Variants in SLC16A4 observed in about 807,000 individuals in gnomAD.
SLC16A4 encodes the protein solute carrier family 16 member 4.
SLC16A4 carries 39 observed loss-of-function variants against 47.9 expected under a neutral mutation model. The ratio of observed to expected loss-of-function variants is 0.81; its 90% confidence interval spans 0.63 to 1.06. SLC16A4 has a LOEUF of 1.06. SLC16A4 is among the 50% of genes least tolerant of loss of function. SLC16A4 has a pLI of 0.00. For missense variants in SLC16A4, 524 were observed against 573.8 expected (o/e 0.91, Z 0.89); for synonymous variants, 189 against 199.9 (o/e 0.95, Z 0.46).
intron 3 of SLC16A4, among the ~76,000 whole-genome samples, chr1:110,382,194 G>A (rs1183329546): frequency 6.6e-6 from 1 of 152,180 alleles, no homozygotes. Flanking sequence ...GCTGGACGCC[G>A]TGGCTCTTTA....
intron 2 of SLC16A4, among the ~76,000 whole-genome samples, chr1:110,386,865 C>T (rs1012385143): frequency 2.6e-5 from 4 of 152,212 alleles, no homozygotes; most frequent in Non-Finnish European, 5.9e-5. Flanking sequence ...CTTTGGCCCC[C>T]ACTGCTCCAC....
Position 110,377,112 on chromosome 1 carries a change from T to C in SLC16A4, c.1080A>G (p.Gln360=). 6.2e-7 allele frequency: 1 copy of C among 1,614,206 alleles called. No individual in the cohort carries two copies. Among genetic ancestry groups the C allele is most frequent in the Non-Finnish European group, 8.5e-7 (1 of 1,180,026 alleles). ...SQIISGWVAD[Q]NWIKKYHYHK... is the part of the protein sequence containing the mutation. ...GGTAATGATACTTCTTAATCCAGTT[T>C]TGATCAGCAACCCATCCAGAAATAA... Residue 360 remains glutamine (Q), a synonymous_variant, in exon 7 of 9, where the codon CAA becomes CAG. Transcript: ENST00000369779.
intron 1 of SLC16A4, 37 bp from the exon 2 acceptor site, chr1:110,389,392 GA>G: frequency 8.3e-7 from 1 of 1,199,324 alleles, no homozygotes; most frequent in Non-Finnish European, 1.2e-6. Flanking sequence ...CAGTGGACCA[GA>G]AACTAATCTA....
Position 110,382,857 on chromosome 1 carries a change from A to T in SLC16A4, c.197T>A (p.Met66Lys), listed in dbSNP as rs150852253. 4.5e-5 allele frequency: 72 copies of T among 1,608,934 alleles called. 1 individual carries two copies. The highest frequency in any genetic ancestry group is 3.3e-4 in the South Asian group (30 of 90,606). The change falls in exon 3 of 9, where the codon ATG becomes AAG. Residue 66 changes from methionine (M) to lysine (K), a missense_variant. Physicochemically the swap from Met to Lys is moderately conservative, Grantham distance 95. Transcript: ENST00000369779. ...SEQIGWIGSI[M>K]SSLRFCAGPL... is the part of the protein sequence containing the mutation. ...ACCTGCACAAAAACGAAGAGATGACATGATGGATCCAATCCAACCAATTTG... is the reference window on the plus strand; with the variant it reads ...ACCTGCACAAAAACGAAGAGATGACTTGATGGATCCAATCCAACCAATTTG...
intron 6 of SLC16A4, among the ~76,000 whole-genome samples, chr1:110,378,511 G>A (rs1570643998): frequency 6.6e-6 from 1 of 152,164 alleles, no homozygotes; most frequent in Non-Finnish European, 1.5e-5. Context: ...TGTCTACCTG[G>A]GGTTTTCTGC....
rs1441079749 is a variant in SLC16A4 at position 110,378,919 on chromosome 1, G to A, written c.964C>T (p.Leu322=). The A allele has an allele frequency of 6.2e-7, 1 of 1,614,052 alleles. No individual in the cohort carries two copies. Among genetic ancestry groups the A allele is most frequent in the Non-Finnish European group, 8.5e-7 (1 of 1,180,036 alleles). ...CCCAGTGTTTTGGCTCTGGCTACCA[G>A]GTGAAAGGTAGGGATGAAGTATGCT... is the stretch of plus-strand genomic sequence containing the variant. ...QLAYFIPTFH[L]VARAKTLGID... Residue 322 remains leucine, a synonymous_variant, in exon 6 of 9, where the codon CTG becomes TTG. Transcript: ENST00000369779.
At position 110,381,640 on chromosome 1, in the gene SLC16A4, C is replaced by T; in HGVS notation, c.364+12G>A. The stretch of plus-strand genomic sequence containing the variant: ...CTGGCCTTCTATGGTCACATAATTA[C>T]AATGGACTCACCGGGTAGAAGTCCC... On this transcript the variant is annotated intron_variant, in intron 4 of 8. Coordinates refer to ENST00000369779, the MANE Select transcript of SLC16A4 (RefSeq NM_004696.3). 1.2e-6 allele frequency: 2 copies of T among 1,607,282 alleles called. No individual in the cohort carries two copies. The highest frequency in any genetic ancestry group is 1.7e-6 in the Non-Finnish European group (2 of 1,178,324).
At chr1:110,375,939 G>A (rs527690467) in intron 7 of SLC16A4, among the ~76,000 whole-genome samples, 1 of 152,142 alleles carries the variant, frequency 6.6e-6, no homozygotes, top group South Asian at 2.1e-4. Flanking sequence ...GAGTGCAGTG[G>A]TGTGATCTTG....
chr1:110,363,705 CA>C lies in SLC16A4; in HGVS notation c.*60del. 6.9e-7 allele frequency: 1 copy of C among 1,448,004 alleles called. No individual in the cohort carries two copies. The highest frequency in any genetic ancestry group is 9.2e-7 in the Non-Finnish European group (1 of 1,086,178). 89.7% of individuals were successfully genotyped at this position (1,448,004 alleles called of 1,614,324 possible). On this transcript the variant is annotated 3_prime_UTR_variant, in exon 9 of 9. Transcript: ENST00000369779. ...TGTGTTTCTTTCAAGCTTTTGTTTC[CA>C]ATGACATTAGTTTAGGTTTTCTTTT...
rs896067737 is a variant in SLC16A4, at chr1:110,390,898, C to T, written c.-66G>A. On this transcript the variant is annotated 5_prime_UTR_variant, in exon 1 of 9. The change creates a new upstream start codon in the 5' untranslated region. Transcript: ENST00000369779. ...TGGTGTTCAGCAAAGAAATCCTCCA[C>T]AGATGGGGCAATTAAGGAAGAAAAA... The T allele has an allele frequency of 4.6e-5, 7 of 152,198 alleles. No homozygotes were observed. Among genetic ancestry groups the T allele is most frequent in the Non-Finnish European group, 8.8e-5 (6 of 68,036 alleles). The allele number at this position is 152,198 out of a possible 1,614,324, so 9.4% of individuals were successfully genotyped here. A position where few individuals can be genotyped will look rare whatever the true frequency, so the allele number is the denominator to read the frequency against.
At chr1:110,371,791 TAATTAA>T (rs1176637502) in intron 8 of SLC16A4, 1 of 152,220 alleles carries the variant, frequency 6.6e-6, no homozygotes, top group Non-Finnish European at 1.5e-5. Context: ...CCATATTTTT[TAATTAA>T]AATTGAAATT....
chr1:110,389,974 C>T (rs1206861737), intron 1 of SLC16A4, among the ~76,000 whole-genome samples: 1 of 152,120 alleles, frequency 6.6e-6, no homozygotes, highest in Non-Finnish European at 1.5e-5. Flanking sequence ...CAATTATACT[C>T]CAAATCTCAG....
intron 8 of SLC16A4, among the ~76,000 whole-genome samples, chr1:110,373,509 T>C (rs1288951285): frequency 6.6e-6 from 1 of 152,156 alleles, no homozygotes; most frequent in Non-Finnish European, 1.5e-5. Context: ...AATTCTAGCC[T>C]GCTTTCCAGG....
intron 8 of SLC16A4, among the ~76,000 whole-genome samples, chr1:110,368,147 A>G (rs990428158): frequency 9.2e-5 from 14 of 152,226 alleles, no homozygotes; most frequent in Non-Finnish European, 1.6e-4. Context: ...TTTTTAAAAG[A>G]AAGTATTGTT....
chr1:110,376,023 C>T (rs1359518158), intron 7 of SLC16A4, among the ~76,000 whole-genome samples: 6 of 152,038 alleles, frequency 3.9e-5, no homozygotes, highest in Non-Finnish European at 7.4e-5. Context: ...ACCACAGGTG[C>T]GTGCCACCAC....
In SLC16A4 at chr1:110,363,530, G is replaced by A; in HGVS notation, c.*236C>T. 4.0e-6 allele frequency: 1 copy of A among 248,826 alleles called. No individual in the cohort carries two copies. The highest frequency in any genetic ancestry group is 7.7e-6 in the Non-Finnish European group (1 of 130,664). The allele number at this position is 248,826 out of a possible 1,614,324, so 15.4% of individuals were successfully genotyped here. ...AGTCCCAGCTACTTGGGAGGCTGAGGCAGGAGAATCCCTTGAACCCAGGAG... is the reference window on the plus strand; with the variant it reads ...AGTCCCAGCTACTTGGGAGGCTGAGACAGGAGAATCCCTTGAACCCAGGAG... On this transcript the variant is annotated 3_prime_UTR_variant, in exon 9 of 9. Coordinates refer to ENST00000369779, the MANE Select transcript of SLC16A4 (RefSeq NM_004696.3).
At position 110,375,206 on chromosome 1, in the gene SLC16A4, A is replaced by G. The variant is rs370633405; in HGVS notation, c.1336+252T>C. 1.4e-4 allele frequency: 48 copies of G among 355,052 alleles called. No individual in the cohort carries two copies. In the South Asian group the frequency reaches 3.6e-3, roughly 26 times the overall value. The allele number at this position is 355,052 out of a possible 1,614,324, so 22.0% of individuals were successfully genotyped here. On this transcript the variant is annotated intron_variant, in intron 8 of 8. Coordinates refer to ENST00000369779, the MANE Select transcript of SLC16A4 (RefSeq NM_004696.3). ...CTCTGGATTGTCTCCCCAGACAAGT[A>G]GACATAGATCCAGTGTCTGCCCTAC...
chr1:110,379,067 T>A lies in SLC16A4; in HGVS notation c.816A>T (p.Leu272Phe). The change falls in exon 6 of 9, where the codon TTA becomes TTT. Residue 272 changes from leucine to phenylalanine, a missense_variant. Coordinates refer to ENST00000369779, the MANE Select transcript of SLC16A4 (RefSeq NM_004696.3). ...TATCACTTTCTTCATCACTCTTTAA[T>A]AACAGTCTGTTCCTGTTAGGCCCAT... ...FYNGPNRNRL[L>F]LKSDEESDKV... The A allele has an allele frequency of 6.2e-7, 1 of 1,614,234 alleles. No homozygotes were observed. Among genetic ancestry groups the A allele is most frequent in the Non-Finnish European group, 8.5e-7 (1 of 1,180,034 alleles).
At position 110,375,486 on chromosome 1, in the gene SLC16A4, C is replaced by T; in HGVS notation, c.1308G>A (p.Met436Ile). The change falls in exon 8 of 9, where the codon ATG (methionine) becomes ATA (isoleucine). Residue 436 changes from methionine to isoleucine, a missense_variant. Coordinates refer to ENST00000369779, the MANE Select transcript of SLC16A4 (RefSeq NM_004696.3). ...CTATAGGTGGTCCAGAAAGGACAGC[C>T]ATCCCAGCAAAGAAACTGGCAAGTC... The part of the protein sequence containing the change: ...FLGLASFFAG[M>I]AVLSGPPIAG... 1 of 1,612,620 alleles carries T rather than the reference C, an allele frequency of 6.2e-7. No homozygotes were observed. Among genetic ancestry groups the T allele is most frequent in the East Asian group, 2.2e-5 (1 of 44,876 alleles).
Sources: gnomAD v4.1 joint callset for allele counts (sites outside exome capture counted in the v4.1 genomes callset) on GRCh38, gnomAD v4.1.1 for gene constraint, MANE v1.5 for transcripts, NCBI Gene and HGNC (gene_info 2026-07-23, HGNC 2026-07-21) for gene names.